USH2A: variants seen among roughly 807,000 people sequenced by gnomAD.
USH2A encodes the protein usherin, also known as Usher syndrome 2A (autosomal recessive, mild).
In USH2A, 443 loss-of-function variants were observed where a neutral mutation model predicts 538.9. The observed-to-expected ratio is 0.82, with a 90% CI of 0.76 to 0.89. The LOEUF (loss-of-function observed/expected upper bound fraction) is 0.89, where lower values mean the gene tolerates loss of function less well. USH2A is among the 40% of genes least tolerant of loss of function. USH2A has a pLI of 0.00. For missense variants in USH2A, 6,633 were observed against 6,324.8 expected (o/e 1.05, Z -1.65); for synonymous variants, 2,413 against 2,273.5 (o/e 1.06, Z -1.75).
rs1553327490 is a variant in USH2A at position 216,292,343 on chromosome 1, C to T, written c.1672G>A (p.Asp558Asn). ...HCDRCLPLYN[D>N]KPFRQGDQVY... ...TGATCACCTTGGCGGAAAGGCTTGT[C>T]ATTATAAAGAGGCAAGCAGCGATCA... The change falls in exon 10 of 72, where the codon GAC (aspartate) becomes AAC (asparagine). Residue 558 changes from aspartate (D) to asparagine (N), a missense_variant. By Grantham distance (23) the Asp-to-Asn change is conservative. Coordinates refer to ENST00000307340, the MANE Select transcript of USH2A (RefSeq NM_206933.4). 6.2e-7 allele frequency: 1 copy of T among 1,613,866 alleles called. No homozygotes were observed. Among genetic ancestry groups the T allele is most frequent in the South Asian group, 1.1e-5 (1 of 91,036 alleles).
chr1:215,795,082 A>G (rs1453929748), intron 50 of USH2A, among the ~76,000 whole-genome samples: 2 of 152,124 alleles, frequency 1.3e-5, no homozygotes, highest in Admixed American at 6.6e-5. Context: ...TTAATCTTAA[A>G]CTACAGTTCT....
rs1434744525 is a variant in USH2A at position 215,671,290 on chromosome 1, A to G, written c.13815T>C (p.Tyr4605=). 6.8e-6 allele frequency: 11 copies of G among 1,614,050 alleles called. No individual in the cohort carries two copies. Among genetic ancestry groups the G allele is most frequent in the Admixed American group, 1.7e-5 (1 of 60,012 alleles). ...TGGTGCACGCTTGAATTCGTATTTC[A>G]TACCTTCAGGACATAAGGCAGAAAT... ...IVNQLKPFHR[Y]EIRIQACTTL... Residue 4605 remains tyrosine (Y), a synonymous_variant, in exon 64 of 72, where the codon TAT becomes TAC. Transcript: ENST00000307340.
intron 55 of USH2A, among the ~76,000 whole-genome samples, chr1:215,771,638 A>AT (rs1410499763): frequency 1.4e-5 from 2 of 140,196 alleles, no homozygotes; most frequent in African/African-American, 5.2e-5. Flanking sequence ...AAGTGGGACT[A>AT]TATATTTAAA....
chr1:216,293,776 T>C (rs1272742880), intron 9 of USH2A, among the ~76,000 whole-genome samples: 1 of 152,154 alleles, frequency 6.6e-6, no homozygotes, highest in Non-Finnish European at 1.5e-5. Flanking sequence ...GAATGATAAA[T>C]GTGTAGTGCG....
chr1:215,823,964 T>C (rs139752656), intron 47 of USH2A, among the ~76,000 whole-genome samples: 54 of 152,248 alleles, frequency 3.5e-4, no homozygotes, highest in Non-Finnish European at 5.9e-4. Context: ...GATCATGAGT[T>C]TCCTTAAAAC....
intron 32 of USH2A, among the ~76,000 whole-genome samples, chr1:216,010,121 C>A (rs1571885545): frequency 6.6e-6 from 1 of 152,168 alleles, no homozygotes; most frequent in African/African-American, 2.4e-5. Flanking sequence ...ATTTAATTAA[C>A]CTCGCCTTCA....
At chr1:216,295,015 C>A (rs2037075765) in intron 9 of USH2A, among the ~76,000 whole-genome samples, 1 of 151,308 alleles carries the variant, frequency 6.6e-6, no homozygotes, top group African/African-American at 2.4e-5. Context: ...CTTTATTGGC[C>A]AGAATTTTCA....
intron 50 of USH2A, among the ~76,000 whole-genome samples, chr1:215,792,277 A>C (rs1172592828): frequency 1.3e-5 from 2 of 152,186 alleles, no homozygotes; most frequent in Admixed American, 6.5e-5. Flanking sequence ...AACTAGAAAA[A>C]AAAGATGCCT....
At chr1:215,745,571 A>T (rs1660447709) in intron 58 of USH2A, among the ~76,000 whole-genome samples, 2 of 152,216 alleles carry the variant, frequency 1.3e-5, no homozygotes, top group South Asian at 4.1e-4. Context: ...AGCTCAATAA[A>T]TGTTAGCTGA....
chr1:216,228,579 C>G (rs889044092), intron 14 of USH2A, among the ~76,000 whole-genome samples: 14 of 152,132 alleles, frequency 9.2e-5, no homozygotes, highest in Non-Finnish European at 1.8e-4. Flanking sequence ...TTTCCCTGCA[C>G]AAGCTTTCTT....
chr1:216,047,695 G>C (rs2030583249), intron 31 of USH2A, among the ~76,000 whole-genome samples: 1 of 152,112 alleles, frequency 6.6e-6, no homozygotes, highest in Non-Finnish European at 1.5e-5. Flanking sequence ...TAGATACTGG[G>C]AAAGAGAGAG....
chr1:216,334,272 A>G (rs1230104319), intron 4 of USH2A, among the ~76,000 whole-genome samples: 1 of 151,972 alleles, frequency 6.6e-6, no homozygotes, highest in African/African-American at 2.4e-5. Context: ...GTTGGTATTA[A>G]TTTGAATTAG....
chr1:216,032,132 C>A (rs565452204), intron 32 of USH2A, among the ~76,000 whole-genome samples: 2 of 152,084 alleles, frequency 1.3e-5, no homozygotes, highest in Non-Finnish European at 2.9e-5. Flanking sequence ...CTCTGAGGTA[C>A]ATAGTACCTG....
rs767976707 is a variant in USH2A at position 215,867,096 on chromosome 1, G to A, written c.8756C>T (p.Thr2919Ile). The A allele has an allele frequency of 6.2e-7, 1 of 1,614,116 alleles. No homozygotes were observed. Among genetic ancestry groups the A allele is most frequent in the South Asian group, 1.1e-5 (1 of 91,086 alleles). ...TCTCTCTGGAAGACCAGCTAACGTTGTCACAGTCACTTCTCGGCTCGGTGT... is the reference window on the plus strand; with the variant it reads ...TCTCTCTGGAAGACCAGCTAACGTTATCACAGTCACTTCTCGGCTCGGTGT... ...GFTPSREVTV[T>I]TLAGLPERGA... Residue 2919 changes from threonine (T) to isoleucine (I), a missense_variant, in exon 44 of 72, where the codon ACA (threonine) becomes ATA (isoleucine). By Grantham distance (89) the Thr-to-Ile change is moderately conservative. Transcript: ENST00000307340.
intron 12 of USH2A, among the ~76,000 whole-genome samples, chr1:216,250,163 A>T (rs999577579): frequency 2.0e-5 from 3 of 152,112 alleles, no homozygotes; most frequent in Non-Finnish European, 4.4e-5. Context: ...TTTTGTCCTT[A>T]TGTGGCGGTG....
chr1:216,338,097 G>T (rs2102674400), intron 4 of USH2A, among the ~76,000 whole-genome samples: 1 of 151,480 alleles, frequency 6.6e-6, no homozygotes. Flanking sequence ...CTAAGCTGTT[G>T]TATAAATTTA....
At chr1:215,764,631 T>G (rs1250484019) in intron 56 of USH2A, among the ~76,000 whole-genome samples, 1 of 152,172 alleles carries the variant, frequency 6.6e-6, no homozygotes, top group East Asian at 1.9e-4. Context: ...TAAACACTTC[T>G]TTTAATTCTT....
intron 21 of USH2A, among the ~76,000 whole-genome samples, chr1:216,137,867 C>G (rs372249124): frequency 6.6e-6 from 1 of 152,024 alleles, no homozygotes; most frequent in Non-Finnish European, 1.5e-5. Flanking sequence ...TTTAATAGAG[C>G]GATCTTTACC....
At chr1:215,668,992 G>A (rs868788805) in intron 64 of USH2A, among the ~76,000 whole-genome samples, 3 of 152,180 alleles carry the variant, frequency 2.0e-5, no homozygotes, top group South Asian at 4.2e-4. Flanking sequence ...TTGAGATCTC[G>A]AGATCTCACC....
Sources: allele counts gnomAD v4.1 joint callset (sites outside exome capture counted in the v4.1 genomes callset), GRCh38; gene constraint gnomAD v4.1.1; transcripts MANE v1.5; gene names NCBI Gene and HGNC (gene_info 2026-07-23, HGNC 2026-07-21).